PDE10A: variants seen among roughly 807,000 people sequenced by gnomAD.
PDE10A encodes phosphodiesterase 10A.
PDE10A carries 39 observed loss-of-function variants against 97.7 expected under a neutral mutation model. The observed-to-expected ratio is 0.40, with a 90% CI of 0.31 to 0.52. PDE10A has a LOEUF of 0.52. Ranked by LOEUF, PDE10A falls within the 20% of genes least tolerant of loss-of-function variation. The probability of loss-of-function intolerance (pLI) is 0.56; values close to 1 mark genes in which losing one functional copy is unlikely to be tolerated. For synonymous variants in PDE10A, 371 were observed against 376.8 expected (o/e 0.98, Z 0.18); for missense variants, 731 against 1,047.8 (o/e 0.70, Z 4.17).
At chr6:165,768,805 G>A (rs1170428997) in intron 1 of PDE10A, among the ~76,000 whole-genome samples, 2 of 152,038 alleles carry the variant, frequency 1.3e-5, no homozygotes, top group African/African-American at 4.8e-5. Flanking sequence ...GTCAAATCTT[G>A]CAGTATTAAA....
At chr6:165,357,039 A>T (rs1783072129) in intron 18 of PDE10A, among the ~76,000 whole-genome samples, 1 of 152,134 alleles carries the variant, frequency 6.6e-6, no homozygotes, top group Non-Finnish European at 1.5e-5. Flanking sequence ...TTTTTACAAT[A>T]TTAAAGAAGT....
chr6:165,968,561 G>A (rs1300331934), intron 1 of PDE10A, among the ~76,000 whole-genome samples: 8 of 152,180 alleles, frequency 5.3e-5, no homozygotes, highest in South Asian at 2.1e-4. Context: ...ACCATGTGAG[G>A]CGTCATGACT....
intron 1 of PDE10A, among the ~76,000 whole-genome samples, chr6:165,546,740 C>T (rs1327509747): frequency 1.3e-5 from 2 of 152,000 alleles, no homozygotes; most frequent in Non-Finnish European, 2.9e-5. Flanking sequence ...TGAGATGTTA[C>T]AGATAAACAA....
chr6:165,559,529 T>A (rs1159108509), intron 1 of PDE10A, among the ~76,000 whole-genome samples: 1 of 152,212 alleles, frequency 6.6e-6, no homozygotes, highest in Non-Finnish European at 1.5e-5. Context: ...TGAGAATACT[T>A]TTTTCAACAA....
chr6:165,355,557 AG>A (rs1782970214), intron 18 of PDE10A, among the ~76,000 whole-genome samples: 1 of 152,180 alleles, frequency 6.6e-6, no homozygotes, highest in African/African-American at 2.4e-5. Flanking sequence ...TGAATAGTAC[AG>A]TATTCCATTG....
chr6:165,899,659 G>A (rs151195613), intron 1 of PDE10A, among the ~76,000 whole-genome samples: 72 of 152,364 alleles, frequency 4.7e-4, no homozygotes, highest in African/African-American at 1.7e-3. Flanking sequence ...CATTCAATCT[G>A]AGCCCTAAAG....
rs1406281036 is a variant in PDE10A at position 165,448,757 on chromosome 6, T to A, written c.1194+171A>T. Among the ~76,000 whole-genome samples, 3 of 151,914 alleles carry A rather than the reference T, an allele frequency of 2.0e-5. 1 individual carries two copies. Among genetic ancestry groups the A allele is most frequent in the African/African-American group, 2.4e-5 (1 of 41,346 alleles). On this transcript the variant is annotated intron_variant, in intron 5 of 21. Transcript: ENST00000539869. ...ACACACACGATTTTATGCCTAAATG[T>A]TGCCATGTCAGTAAAATTCTTGACT...
intron 2 of PDE10A, among the ~76,000 whole-genome samples, chr6:165,516,168 GTCAAGGCCAT>G (rs1469572894): frequency 6.6e-6 from 1 of 152,040 alleles, no homozygotes; most frequent in Non-Finnish European, 1.5e-5. Context: ...CTCTCACCTG[GTCAAGGCCAT>G]AGCTCCAGCA....
Position 165,583,737 on chromosome 6 carries a change from T to C in PDE10A, c.866-40169A>G, listed in dbSNP as rs115201125. 9.0e-3 allele frequency among the ~76,000 whole-genome samples: 1,370 copies of C among 152,250 alleles called. 21 individuals are homozygous for C. Among genetic ancestry groups the C allele is most frequent in the African/African-American group, 0.031 (1,297 of 41,534 alleles). On this transcript the variant is annotated intron_variant, in intron 1 of 21. Coordinates refer to ENST00000539869, the MANE Select transcript of PDE10A (RefSeq NM_001385079.1). ...CGCTGGGGCAATGTTCTGTGGGAGA[T>C]TGTATATGTCCTAAACTAGTGTCTA... is the stretch of plus-strand genomic sequence containing the variant.
At chr6:165,673,860 G>C (rs1372321233) in intron 1 of PDE10A, among the ~76,000 whole-genome samples, 1 of 152,040 alleles carries the variant, frequency 6.6e-6, no homozygotes, top group Non-Finnish European at 1.5e-5. Context: ...TTGATCCACG[G>C]GTTATATAGA....
chr6:165,424,257 T>A (rs1229383292), intron 10 of PDE10A, among the ~76,000 whole-genome samples: 1 of 152,198 alleles, frequency 6.6e-6, no homozygotes, highest in Non-Finnish European at 1.5e-5. Context: ...TAGGCCTGAC[T>A]CTGACTAGTT....
At chr6:165,428,297 G>A (rs1185793876) in intron 10 of PDE10A, among the ~76,000 whole-genome samples, 1 of 152,038 alleles carries the variant, frequency 6.6e-6, no homozygotes, top group Admixed American at 6.6e-5. Context: ...TAGGAGAGAG[G>A]AATAATTAAG....
chr6:165,447,044 A>G (rs1790899592), intron 5 of PDE10A, among the ~76,000 whole-genome samples: 1 of 152,190 alleles, frequency 6.6e-6, no homozygotes, highest in African/African-American at 2.4e-5. Flanking sequence ...GCTGAATCCT[A>G]AGAGGAACTA....
intron 1 of PDE10A, among the ~76,000 whole-genome samples, chr6:165,608,073 T>C (rs961137052): frequency 5.1e-5 from 7 of 136,624 alleles, no homozygotes; most frequent in East Asian, 3.9e-4. Context: ...TATATATATA[T>C]GTATATATGT....
chr6:165,367,656 A>C (rs1783883722), intron 18 of PDE10A, among the ~76,000 whole-genome samples: 1 of 112,162 alleles, frequency 8.9e-6, no homozygotes, highest in African/African-American at 4.3e-5. Flanking sequence ...TCCCCTCAGG[A>C]GGGGGAAAAA....
chr6:165,398,438 A>G (rs2128219253), intron 13 of PDE10A, among the ~76,000 whole-genome samples: 1 of 152,044 alleles, frequency 6.6e-6, no homozygotes, highest in African/African-American at 2.4e-5. Flanking sequence ...CAGTGAGCAA[A>G]GATTGCACTA....
intron 18 of PDE10A, among the ~76,000 whole-genome samples, chr6:165,363,522 G>C (rs1296646661): frequency 7.1e-6 from 1 of 140,314 alleles, no homozygotes; most frequent in Non-Finnish European, 1.6e-5. Context: ...TCTCAAAAAA[G>C]AAAAAAAAAA....
intron 2 of PDE10A, among the ~76,000 whole-genome samples, chr6:165,492,540 A>C (rs949919886): frequency 3.9e-5 from 6 of 152,156 alleles, no homozygotes; most frequent in Admixed American, 3.9e-4. Flanking sequence ...TTTAACATTC[A>C]CAAGTCAATA....
chr6:165,827,132 GC>G (rs1026069605), intron 1 of PDE10A, among the ~76,000 whole-genome samples: 29 of 152,316 alleles, frequency 1.9e-4, no homozygotes, highest in African/African-American at 7.0e-4. Flanking sequence ...CGGGCCCTCC[GC>G]CGTGGTCTAG....
Sources: allele counts gnomAD v4.1 joint callset (sites outside exome capture counted in the v4.1 genomes callset), GRCh38; gene constraint gnomAD v4.1.1; transcripts MANE v1.5; gene names NCBI Gene and HGNC (gene_info 2026-07-23, HGNC 2026-07-21).